LTBP4: variants seen among roughly 807,000 people sequenced by gnomAD.
LTBP4 encodes latent-transforming growth factor beta-binding protein 4.
LTBP4 carries 93 observed loss-of-function variants against 180.2 expected under a neutral mutation model. The ratio of observed to expected loss-of-function variants is 0.52; its 90% CI spans 0.44 to 0.61. LTBP4 has a LOEUF of 0.61. Ranked by LOEUF, LTBP4 falls within the 20% of genes least tolerant of loss-of-function variation. The pLI, the probability that LTBP4 is intolerant of heterozygous loss-of-function variation, is 0.00. For missense variants in LTBP4, 2,116 were observed against 2,256.5 expected (o/e 0.94, Z 1.26); for synonymous variants, 947 against 934.5 (o/e 1.01, Z -0.24).
chr19:40,603,644 C>T (rs1260528679), intron 1 of LTBP4, among the ~76,000 whole-genome samples: 1 of 152,224 alleles, frequency 6.6e-6, no homozygotes, highest in Non-Finnish European at 1.5e-5. Flanking sequence ...GTCCCTTTAT[C>T]CTTCTAAACG....
chr19:40,596,314 C>T lies in LTBP4; in HGVS notation c.17-2883C>T, dbSNP rs2081390265. The stretch of plus-strand genomic sequence containing the variant: ...CTGGACTCAAGCGATCCACCTCGGC[C>T]TTCCAAAGTGCTGGGATTACAGGCC... On this transcript the variant is annotated intron_variant, in intron 1 of 32. Transcript: ENST00000204005. Among the ~76,000 whole-genome samples the T allele has an allele frequency of 2.0e-5, 3 of 152,222 alleles. No homozygotes were observed. In the South Asian group the frequency reaches 6.2e-4, roughly 32 times the overall value.
At chr19:40,623,501 C>T in intron 24 of LTBP4, 103 bp from the exon 25 acceptor site, 2 of 1,398,860 alleles carry the variant, frequency 1.4e-6, no homozygotes, top group Non-Finnish European at 1.9e-6. Flanking sequence ...CCTGTCTCTA[C>T]TTCTTGGTCT....
chr19:40,603,789 G>C (rs1233337732), intron 1 of LTBP4, among the ~76,000 whole-genome samples: 1 of 152,238 alleles, frequency 6.6e-6, no homozygotes, highest in Admixed American at 6.5e-5. Flanking sequence ...GGGAGAGAGA[G>C]GGAGGGGGTG....
Position 40,608,229 on chromosome 19 carries a change from G to C in LTBP4, c.1166G>C (p.Arg389Pro), listed in dbSNP as rs996863674. 5 of 1,613,782 alleles carry C rather than the reference G, an allele frequency of 3.1e-6. No individual in the cohort carries two copies. The highest frequency in any genetic ancestry group is 2.7e-5 in the African/African-American group (2 of 74,906). Reference sequence around the variant, plus strand: ...TCTTACCTATTCCCAGAGGGTTTCCGGGAGATCTGCCCGGCTGGTCCTGGT... The same window carrying C: ...TCTTACCTATTCCCAGAGGGTTTCCCGGAGATCTGCCCGGCTGGTCCTGGT... ...LCPPFGSEGF[R>P]EICPAGPGYH... Residue 389 changes from arginine to proline, a missense_variant, in exon 8 of 30, where the codon CGG (arginine) becomes CCG (proline). Physicochemically the swap from Arg to Pro is moderately radical, Grantham distance 103 (BLOSUM62 -2). This residue lies in a region of LTBP4 where 877 missense variants were observed against 873.6 expected (regional missense o/e 1.00). Coordinates refer to ENST00000396819, the MANE Select transcript of LTBP4 (RefSeq NM_001042545.2).
upstream of LTBP4, chr19:40,600,133 T>G: frequency 8.0e-7 from 1 of 1,257,680 alleles, no homozygotes. The surrounding 1 kb of genome is among the most constrained non-coding windows in gnomAD (Gnocchi z 4.4). Context: ...CGGGGACTAC[T>G]GAGAAGGAGG....
intron 15 of LTBP4, 29 bp downstream of exon 15, chr19:40,612,221 G>T (rs1274816782): frequency 6.4e-7 from 1 of 1,566,662 alleles, no homozygotes; most frequent in Admixed American, 1.8e-5. Context: ...TGTGACCTTG[G>T]GCCTGCATCA....
At chr19:40,608,788 G>C (rs933898330) in intron 9 of LTBP4, 185 bp downstream of exon 9, 1 of 575,840 alleles carries the variant, frequency 1.7e-6, no homozygotes. Flanking sequence ...GCAGATGCCT[G>C]TAATCCCAGC....
At position 40,611,889 on chromosome 19, in the gene LTBP4, C is replaced by T. The variant is rs1307295436; in HGVS notation, c.2084C>T (p.Pro695Leu). ...GATGAGTGTGCCCGAAGCCCCCCAC[C>T]CTGCACCTACGGCCGGTGTGAGAAC... ...DVDECARSPP[P>L]CTYGRCENTE... is the part of the protein sequence containing the mutation. The change falls in exon 14 of 30, where the codon CCC becomes CTC. Residue 695 changes from proline (P) to leucine (L), a missense_variant. Transcript: ENST00000396819. The surrounding 1 kb of genome is among the most constrained non-coding windows in gnomAD (Gnocchi z 4.4). 1 of 1,608,496 alleles carries T rather than the reference C, an allele frequency of 6.2e-7. No individual in the cohort carries two copies. Among genetic ancestry groups the T allele is most frequent in the Non-Finnish European group, 8.5e-7 (1 of 1,177,726 alleles).
intron 18 of LTBP4, 31 bp from the exon 19 acceptor site, chr19:40,614,284 C>T (rs751602222): frequency 1.3e-6 from 2 of 1,589,700 alleles, no homozygotes; most frequent in Non-Finnish European, 1.7e-6. Context: ...TCCCTGCTTC[C>T]CACATCCGAC....
In LTBP4 at chr19:40,623,973, G is replaced by A. The variant is rs1175560123; in HGVS notation, c.3723G>A (p.Glu1241=). The A allele has an allele frequency of 5.6e-6, 9 of 1,613,866 alleles. No individual in the cohort carries two copies. In the Middle Eastern group the frequency reaches 6.6e-4, roughly 118 times the overall value. The part of the protein sequence containing the change: ...DECADEEPAC[E]GGRCVNTVGS... Reference sequence around the variant, plus strand: ...GCGCCGATGAGGAACCGGCCTGTGAGGGCGGCCGCTGTGTCAACACTGTGG... The same window carrying A: ...GCGCCGATGAGGAACCGGCCTGTGAAGGCGGCCGCTGTGTCAACACTGTGG... Residue 1241 remains glutamate, a synonymous_variant, in exon 26 of 30, where the codon GAG becomes GAA. Transcript: ENST00000396819.
In LTBP4 at chr19:40,609,771, C is replaced by T; in HGVS notation, c.1584C>T (p.Pro528=). The change falls in exon 11 of 30, where the codon CCC becomes CCT. Residue 528 remains proline (P), a synonymous_variant. Transcript: ENST00000396819. This position sits in a 1 kb window ranked among gnomAD's most constrained non-coding sequence, Gnocchi z 4.9. ...CIDVDECRRV[P]PPCAPGRCEN... ...ATGTGGACGAATGTCGCCGCGTGCC[C>T]CCGCCCTGTGCTCCCGGGCGCTGCG... is the stretch of plus-strand genomic sequence containing the variant. 1 of 1,611,870 alleles carries T rather than the reference C, an allele frequency of 6.2e-7. No individual in the cohort carries two copies.
Position 40,594,248 on chromosome 19 carries a change from A to G in LTBP4, c.16+1067A>G, listed in dbSNP as rs376490940. Among the ~76,000 whole-genome samples the G allele has an allele frequency of 1.2e-4, 17 of 138,230 alleles. 1 individual carries two copies. Among genetic ancestry groups the G allele is most frequent in the African/African-American group, 4.7e-4 (17 of 36,294 alleles). The allele number at this position is 138,230 out of a possible 152,430, so 90.7% of individuals were successfully genotyped here. A position where few individuals can be genotyped will look rare whatever the true frequency, so the allele number is the denominator to read the frequency against. On this transcript the variant is annotated intron_variant, in intron 1 of 32. Transcript: ENST00000204005. ...TTAACTCTGTGTGTTTTTGTGCGTG[A>G]GAGGGCATGGGGGGAGGGGTGGAAG...
rs2081620018 is a variant in LTBP4 at position 40,625,281 on chromosome 19, TATATATATATATATATATATATATA to T, written c.3833-575_3833-551del. ...ATATATATATATATATATATATATA[TATATATATATATATATATATATATA>T]TATATATATATTTTTTTTTTTAAAG... On this transcript the variant is annotated intron_variant, in intron 26 of 29. Transcript: ENST00000396819. 1.3e-3 allele frequency among the ~76,000 whole-genome samples: 13 copies of T among 9,798 alleles called. 1 individual carries two copies. Among genetic ancestry groups the T allele is most frequent in the South Asian group, 4.3e-3 (1 of 234 alleles). The allele number at this position is 9,798 out of a possible 152,430, so 6.4% of individuals were successfully genotyped here. A position where few individuals can be genotyped will look rare whatever the true frequency, so the allele number is the denominator to read the frequency against.
chr19:40,618,930 T>C (rs776030710), intron 21 of LTBP4, among the ~76,000 whole-genome samples: 29 of 152,302 alleles, frequency 1.9e-4, no homozygotes, highest in Admixed American at 1.4e-3. Context: ...TTTTTCACAA[T>C]GATGAAGGTG....
rs368513626 is a variant in LTBP4, at chr19:40,611,258, G to A, written c.1917G>A (p.Ala639=). ...CVCPAGFRGS[A]CEEDVDECAQ... Reference sequence around the variant, plus strand: ...GCCCGGCTGGCTTCCGGGGCTCGGCGTGTGAAGAGGATGTGGATGAGTGTG... The same window carrying A: ...GCCCGGCTGGCTTCCGGGGCTCGGCATGTGAAGAGGATGTGGATGAGTGTG... Residue 639 remains alanine (A), a synonymous_variant, in exon 13 of 30, where the codon GCG becomes GCA. Transcript: ENST00000396819. The surrounding 1 kb of genome is among the most constrained non-coding windows in gnomAD (Gnocchi z 4.4). 4.6e-5 allele frequency: 74 copies of A among 1,612,820 alleles called. No individual in the cohort carries two copies. In the East Asian group the frequency reaches 4.9e-4, roughly 11 times the overall value.
intron 1 of LTBP4, among the ~76,000 whole-genome samples, chr19:40,604,050 G>A (rs1240295505): frequency 6.6e-6 from 1 of 152,202 alleles, no homozygotes; most frequent in Admixed American, 6.5e-5. Context: ...GAACTCTAAA[G>A]CCCCAGCCAG....
chr19:40,617,042 G>A lies in LTBP4; in HGVS notation c.2944+22G>A, dbSNP rs753228924. 6.8e-6 allele frequency: 11 copies of A among 1,612,890 alleles called. No individual in the cohort carries two copies. In the Admixed American group the frequency reaches 1.8e-4, roughly 27 times the overall value. On this transcript the variant is annotated intron_variant, in intron 20 of 29. Transcript: ENST00000396819. Reference sequence around the variant, plus strand: ...CAGGGTGGGTGTCCATCAGGCATCGGGTGAGATGTGGAGATGGTAGAAGGT... The same window carrying A: ...CAGGGTGGGTGTCCATCAGGCATCGAGTGAGATGTGGAGATGGTAGAAGGT...
chr19:40,598,989 T>C (rs1392078065), upstream of LTBP4, among the ~76,000 whole-genome samples: 2 of 152,174 alleles, frequency 1.3e-5, no homozygotes, highest in Non-Finnish European at 2.9e-5. Flanking sequence ...AAAAGTACGG[T>C]TTCTGTGCCC....
rs2081524947 is a variant in LTBP4, at chr19:40,613,646, G to C, written c.2557+117G>C. The C allele has an allele frequency of 6.7e-7, 1 of 1,488,808 alleles. No homozygotes were observed. Among genetic ancestry groups the C allele is most frequent in the Non-Finnish European group, 9.1e-7 (1 of 1,104,812 alleles). The allele number at this position is 1,488,808 out of a possible 1,614,324, so 92.2% of individuals were successfully genotyped here. ...AGTTTTTAGCCGGGGTATTCCAGCA[G>C]GATCAGGGGGCAGCTGGTGGGAGTC... On this transcript the variant is annotated intron_variant, in intron 17 of 29. Coordinates refer to ENST00000396819, the MANE Select transcript of LTBP4 (RefSeq NM_001042545.2). This position sits in a 1 kb window ranked among gnomAD's most constrained non-coding sequence, Gnocchi z 5.0.
Sources: allele counts gnomAD v4.1 joint callset (sites outside exome capture counted in the v4.1 genomes callset), GRCh38; gene constraint gnomAD v4.1.1; regional missense constraint gnomAD v4.1.1; non-coding constraint Gnocchi (gnomAD v3.1); transcripts MANE v1.5; gene names NCBI Gene and HGNC (gene_info 2026-07-23, HGNC 2026-07-21).